The following ATP8A2 variants were observed in gnomAD, a reference collection of about 807,000 sequenced individuals.
The protein encoded by ATP8A2 is ATPase phospholipid transporting 8A2, also known as phospholipid-transporting ATPase IB.
Under a neutral mutation model 165.6 loss-of-function variants are expected in ATP8A2, and 100 were observed. The ratio of observed to expected loss-of-function variants is 0.60; its 90% CI spans 0.51 to 0.71. The LOEUF (loss-of-function observed/expected upper bound fraction) is 0.71. Ranked by LOEUF, ATP8A2 falls within the 30% of genes least tolerant of loss-of-function variation. The probability of loss-of-function intolerance (pLI) is 0.00; values close to 1 mark genes in which losing one functional copy is unlikely to be tolerated. For missense variants in ATP8A2, 1,227 were observed against 1,479.5 expected, an observed-to-expected ratio of 0.83 and a Z score of 2.80; for synonymous variants, 543 against 548.8, an observed-to-expected ratio of 0.99 and a Z score of 0.15.
At chr13:25,408,811 C>G (rs1036989538) in intron 1 of ATP8A2, among the ~76,000 whole-genome samples, 1 of 152,110 alleles carries the variant, frequency 6.6e-6, no homozygotes, top group Non-Finnish European at 1.5e-5. Flanking sequence ...ATTTTACATC[C>G]AATAATTTTA....
intron 1 of ATP8A2, 53 bp from the exon 2 acceptor site, chr13:25,468,924 C>G: frequency 6.3e-7 from 1 of 1,586,444 alleles, no homozygotes; most frequent in Non-Finnish European, 8.6e-7. Flanking sequence ...AGCCTCCCGC[C>G]TGGCGGTTGA....
intron 1 of ATP8A2, among the ~76,000 whole-genome samples, chr13:25,383,296 C>T (rs573395534): frequency 6.7e-6 from 1 of 149,330 alleles, no homozygotes; most frequent in Non-Finnish European, 1.5e-5. Context: ...GTAGAGACGG[C>T]GTTTCACCAT....
intron 1 of ATP8A2, among the ~76,000 whole-genome samples, chr13:25,460,890 G>T (rs2035486582): frequency 1.3e-5 from 2 of 152,126 alleles, no homozygotes; most frequent in Non-Finnish European, 2.9e-5. Context: ...ATTGAGACTG[G>T]CAGCCATCTT....
At chr13:25,531,304 TATG>T (rs1360504707) in intron 4 of ATP8A2, among the ~76,000 whole-genome samples, 8 of 125,026 alleles carry the variant, frequency 6.4e-5, no homozygotes, top group Non-Finnish European at 1.2e-4. Context: ...ATATGTTATA[TATG>T]ATATATATGT....
At chr13:25,569,366 G>T (rs1302632611) in intron 16 of ATP8A2, among the ~76,000 whole-genome samples, 1 of 152,058 alleles carries the variant, frequency 6.6e-6, no homozygotes, top group African/African-American at 2.4e-5. Context: ...AGACAGAGAA[G>T]AAACTAAAAA....
intron 24 of ATP8A2, among the ~76,000 whole-genome samples, chr13:25,683,420 G>T (rs34109650): frequency 6.6e-6 from 1 of 152,006 alleles, no homozygotes; most frequent in African/African-American, 2.4e-5. Flanking sequence ...ACTAGATTTT[G>T]TGTGTAGTTT....
intron 10 of ATP8A2, among the ~76,000 whole-genome samples, chr13:25,546,976 A>T (rs2038671478): frequency 6.6e-6 from 1 of 151,830 alleles, no homozygotes; most frequent in Non-Finnish European, 1.5e-5. Context: ...CTAAAAATAC[A>T]AAAATTAGCT....
chr13:25,604,048 G>A (rs1049375051), intron 24 of ATP8A2, among the ~76,000 whole-genome samples: 1 of 151,922 alleles, frequency 6.6e-6, no homozygotes, highest in Non-Finnish European at 1.5e-5. Flanking sequence ...TGGTGGGGTG[G>A]GGGGTACTTC....
chr13:25,791,542 T>TACACACACACACAC (rs55661899), intron 27 of ATP8A2, among the ~76,000 whole-genome samples: 1,596 of 143,030 alleles, frequency 0.011, 21 homozygotes, highest in African/African-American at 0.014. Flanking sequence ...CACACACACA[T>TACACACACACACAC]ACACACACAC....
chr13:25,473,959 T>G (rs1477980188), intron 2 of ATP8A2, among the ~76,000 whole-genome samples: 1 of 152,244 alleles, frequency 6.6e-6, no homozygotes, highest in Non-Finnish European at 1.5e-5. Flanking sequence ...ATCAGACATA[T>G]GTAATCTTTC....
chr13:25,410,613 G>C (rs950726560), intron 1 of ATP8A2, among the ~76,000 whole-genome samples: 1 of 152,220 alleles, frequency 6.6e-6, no homozygotes, highest in Non-Finnish European at 1.5e-5. Flanking sequence ...AAGGCCCTGC[G>C]TAAGGGTCAG....
intron 16 of ATP8A2, chr13:25,567,438 C>A (rs947887021): frequency 6.6e-6 from 3 of 455,900 alleles, no homozygotes; most frequent in South Asian, 4.7e-5. Flanking sequence ...TCCTCCTCAT[C>A]GTCTGCCCTC....
chr13:26,020,125 G>T lies in ATP8A2; in HGVS notation c.*140G>T. 3.0e-6 allele frequency: 2 copies of T among 660,750 alleles called. No individual in the cohort carries two copies. Among genetic ancestry groups the T allele is most frequent in the South Asian group, 1.9e-5 (1 of 53,412 alleles). The allele number at this position is 660,750 out of a possible 1,614,324, so 40.9% of individuals were successfully genotyped here. On this transcript the variant is annotated 3_prime_UTR_variant, in exon 37 of 37. Coordinates refer to ENST00000381655, the MANE Select transcript of ATP8A2 (RefSeq NM_016529.6). Reference sequence around the variant, plus strand: ...TTCTGTGGCCTTAGCCAAGCAGTTTGTTAGTTACATATTCCCTCGCAAACC... The same window carrying T: ...TTCTGTGGCCTTAGCCAAGCAGTTTTTTAGTTACATATTCCCTCGCAAACC...
At chr13:25,394,752 A>G (rs1376627509) in intron 1 of ATP8A2, among the ~76,000 whole-genome samples, 1 of 152,254 alleles carries the variant, frequency 6.6e-6, no homozygotes, top group Non-Finnish European at 1.5e-5. Context: ...GGCTAAAAAC[A>G]GAACATAAAT....
At chr13:25,945,677 C>T (rs1355065153) in intron 33 of ATP8A2, among the ~76,000 whole-genome samples, 1 of 152,148 alleles carries the variant, frequency 6.6e-6, no homozygotes, top group Non-Finnish European at 1.5e-5. Flanking sequence ...CAAGCTGCTG[C>T]TAAATTTCAG....
chr13:25,413,039 A>G (rs1258788500), intron 1 of ATP8A2, among the ~76,000 whole-genome samples: 1 of 151,990 alleles, frequency 6.6e-6, no homozygotes, highest in Non-Finnish European at 1.5e-5. Flanking sequence ...GCTGGTCTTG[A>G]ACTTCTTACC....
intron 36 of ATP8A2, among the ~76,000 whole-genome samples, chr13:26,018,218 T>A (rs1957027170): frequency 1.3e-5 from 2 of 152,212 alleles, no homozygotes; most frequent in South Asian, 4.1e-4. Context: ...AGGCATGCTC[T>A]CTGGAAGAGC....
intron 33 of ATP8A2, among the ~76,000 whole-genome samples, chr13:25,945,276 T>C (rs1004163736): frequency 2.2e-5 from 3 of 139,522 alleles, no homozygotes; most frequent in African/African-American, 8.2e-5. Flanking sequence ...TTCTGTCAAA[T>C]GCGTGGCTAC....
chr13:25,823,174 G>A (rs763934214), intron 27 of ATP8A2, among the ~76,000 whole-genome samples: 1 of 152,180 alleles, frequency 6.6e-6, no homozygotes, highest in Non-Finnish European at 1.5e-5. Context: ...GTAAATCCAA[G>A]CTAAGAATTT....
Sources: allele counts gnomAD v4.1 joint callset (sites outside exome capture counted in the v4.1 genomes callset), GRCh38; gene constraint gnomAD v4.1.1; transcripts MANE v1.5; gene names NCBI Gene and HGNC (gene_info 2026-07-23, HGNC 2026-07-21).